GALNT17: variants seen among roughly 807,000 people sequenced by gnomAD.
GALNT17 encodes polypeptide N-acetylgalactosaminyltransferase 17, also known as UDP-GalNAc:polypeptide N-acetylgalactosaminyltransferase-like 3.
Under a neutral mutation model 63.7 loss-of-function variants are expected in GALNT17, and 29 were observed. That is an observed-to-expected ratio of 0.46 (90% confidence interval 0.34 to 0.62). The LOEUF is 0.62. Ranked by LOEUF, GALNT17 falls within the 20% of genes least tolerant of loss-of-function variation. GALNT17 has a pLI of 0.01. For missense variants in GALNT17, 603 were observed against 799.6 expected (o/e 0.75, Z 2.97); for synonymous variants, 305 against 318.3 (o/e 0.96, Z 0.45).
chr7:71,152,381 G>C (rs1389670687), intron 1 of GALNT17, among the ~76,000 whole-genome samples: 2 of 152,116 alleles, frequency 1.3e-5, no homozygotes, highest in African/African-American at 2.4e-5. Flanking sequence ...AAAAGAAAGG[G>C]TCTTGTATAT....
chr7:71,373,363 G>A (rs1266367982), intron 2 of GALNT17, among the ~76,000 whole-genome samples: 2 of 152,174 alleles, frequency 1.3e-5, no homozygotes, highest in East Asian at 3.9e-4. Context: ...ACTCAGGTCA[G>A]CTGGTGAAGG....
intron 1 of GALNT17, among the ~76,000 whole-genome samples, chr7:71,286,782 T>TTTTGTTTG (rs139670524): frequency 7.3e-5 from 11 of 150,154 alleles, no homozygotes; most frequent in African/African-American, 2.2e-4. Flanking sequence ...TTTGTTATGT[T>TTTTGTTTG]TTTGTTTGTT....
At chr7:71,357,397 C>G (rs1197709155) in intron 2 of GALNT17, among the ~76,000 whole-genome samples, 1 of 152,146 alleles carries the variant, frequency 6.6e-6, no homozygotes, top group Non-Finnish European at 1.5e-5. Flanking sequence ...GGAGCAGTCT[C>G]ATCCTGAAAC....
intron 1 of GALNT17, among the ~76,000 whole-genome samples, chr7:71,246,125 T>G (rs867231774): frequency 0.074 from 10,210 of 137,330 alleles, 375 homozygotes; most frequent in Non-Finnish European, 0.088. Flanking sequence ...GTTTTTTTTT[T>G]TTTTTTTTTT....
chr7:71,152,115 T>C (rs1166299690), intron 1 of GALNT17, among the ~76,000 whole-genome samples: 1 of 152,162 alleles, frequency 6.6e-6, no homozygotes, highest in African/African-American at 2.4e-5. Flanking sequence ...TCTGCGTGCC[T>C]ACCCGTCTTC....
chr7:71,598,328 C>T (rs573839599), intron 6 of GALNT17, among the ~76,000 whole-genome samples: 2 of 152,218 alleles, frequency 1.3e-5, no homozygotes, highest in Non-Finnish European at 2.9e-5. Flanking sequence ...AGAGATGTGT[C>T]ACTCTGATAA....
At chr7:71,708,447 C>T (rs1333640035) in intron 9 of GALNT17, among the ~76,000 whole-genome samples, 1 of 4,304 alleles carries the variant, frequency 2.3e-4, no homozygotes, top group Non-Finnish European at 0.024. Flanking sequence ...GAATCAATTA[C>T]CTCCCACCGG....
At chr7:71,276,157 C>T (rs536614345) in intron 1 of GALNT17, among the ~76,000 whole-genome samples, 1 of 152,184 alleles carries the variant, frequency 6.6e-6, no homozygotes, top group Non-Finnish European at 1.5e-5. Flanking sequence ...CAGCAGCCGG[C>T]ATGTGATGGG....
intron 1 of GALNT17, among the ~76,000 whole-genome samples, chr7:71,335,289 G>A (rs1171854952): frequency 3.3e-5 from 5 of 151,978 alleles, no homozygotes; most frequent in African/African-American, 7.3e-5. Flanking sequence ...GCACCACGAC[G>A]CCCAGCTAAT....
intron 1 of GALNT17, among the ~76,000 whole-genome samples, chr7:71,226,335 C>T (rs918317646): frequency 4.6e-5 from 7 of 152,086 alleles, no homozygotes; most frequent in Admixed American, 6.5e-5. Flanking sequence ...CTGGGAACCC[C>T]GGGGTGGAGA....
intron 5 of GALNT17, among the ~76,000 whole-genome samples, chr7:71,469,386 C>T (rs1332760270): frequency 6.6e-6 from 1 of 152,136 alleles, no homozygotes; most frequent in African/African-American, 2.4e-5. Flanking sequence ...GAAAAACCTT[C>T]GACACATTAA....
intron 6 of GALNT17, among the ~76,000 whole-genome samples, chr7:71,662,496 G>A (rs1481042646): frequency 1.3e-5 from 2 of 152,094 alleles, no homozygotes; most frequent in Admixed American, 1.3e-4. Flanking sequence ...ATATTAGAAT[G>A]TTTTCATCAC....
At chr7:71,575,248 T>C (rs1283299182) in intron 6 of GALNT17, among the ~76,000 whole-genome samples, 1 of 152,202 alleles carries the variant, frequency 6.6e-6, no homozygotes, top group African/African-American at 2.4e-5. Flanking sequence ...GGGCTTTATG[T>C]AAATATATAT....
At chr7:71,283,525 G>T (rs1310600134) in intron 1 of GALNT17, among the ~76,000 whole-genome samples, 1 of 152,200 alleles carries the variant, frequency 6.6e-6, no homozygotes, top group African/African-American at 2.4e-5. Flanking sequence ...CTCTCTGGGA[G>T]TCAGCATCAG....
chr7:71,400,614 CCAGA>C (rs1360090577), intron 3 of GALNT17, among the ~76,000 whole-genome samples: 1 of 152,200 alleles, frequency 6.6e-6, no homozygotes, highest in East Asian at 1.9e-4. Context: ...AAAATAAATT[CCAGA>C]CAGAGGAAAT....
At chr7:71,476,822 G>T (rs1009872276) in intron 5 of GALNT17, among the ~76,000 whole-genome samples, 1 of 152,188 alleles carries the variant, frequency 6.6e-6, no homozygotes, top group Admixed American at 6.5e-5. Context: ...CAGCTTTAGG[G>T]TGAGAATTCC....
intron 6 of GALNT17, among the ~76,000 whole-genome samples, chr7:71,648,278 T>C (rs1053156083): frequency 1.3e-5 from 2 of 152,124 alleles, no homozygotes; most frequent in Admixed American, 6.6e-5. Context: ...TACTTTTTTT[T>C]TTTTTTTTAA....
intron 5 of GALNT17, among the ~76,000 whole-genome samples, chr7:71,507,019 G>T (rs533463235): frequency 6.6e-6 from 1 of 152,368 alleles, no homozygotes; most frequent in South Asian, 2.1e-4. Context: ...ACGATCGCTT[G>T]AGGCCAGGAG....
chr7:71,571,267 T>G lies in GALNT17; in HGVS notation c.963-18T>G. 1 of 1,612,028 alleles carries G rather than the reference T, an allele frequency of 6.2e-7. No homozygotes were observed. Among genetic ancestry groups the G allele is most frequent in the Non-Finnish European group, 8.5e-7 (1 of 1,178,162 alleles). On this transcript the variant is annotated intron_variant, in intron 5 of 10. Coordinates refer to ENST00000333538, the MANE Select transcript of GALNT17 (RefSeq NM_022479.3). The stretch of plus-strand genomic sequence containing the variant: ...CACTGACACCTCAATGAGCTTCCCT[T>G]CTTTCTCCCTCCCTCAGGACCCCAG...
Sources: gnomAD v4.1 joint callset for allele counts (sites outside exome capture counted in the v4.1 genomes callset) on GRCh38, gnomAD v4.1.1 for gene constraint, MANE v1.5 for transcripts, NCBI Gene and HGNC (gene_info 2026-07-23, HGNC 2026-07-21) for gene names.